Variants in EYS observed in about 807,000 individuals in gnomAD.
The protein encoded by EYS is protein eyes shut homolog.
A neutral mutation model predicts 282.1 loss-of-function variants in EYS; 250 were observed. That is an observed-to-expected ratio of 0.89 (90% CI 0.80 to 0.98). The LOEUF is 0.98. Ranked by LOEUF, EYS falls within the 50% of genes least tolerant of loss-of-function variation. The pLI, the probability that EYS is intolerant of heterozygous loss-of-function variation, is 0.00. For missense variants in EYS, 4,016 were observed against 3,709.0 expected, an observed-to-expected ratio of 1.08 and a Z score of -2.15; for synonymous variants, 1,355 against 1,282.9, an observed-to-expected ratio of 1.06 and a Z score of -1.20.
chr6:65,052,840 T>C lies in EYS; in HGVS notation c.2137+4774A>G, dbSNP rs1325343411. ...GAATTTGAAAGGGAGCCAGATTAAA[T>C]CAAAGCCAACCACTTACGCCAGTGG... is the stretch of plus-strand genomic sequence containing the variant. On this transcript the variant is annotated intron_variant, in intron 13 of 42. Coordinates refer to ENST00000503581, the MANE Select transcript of EYS (RefSeq NM_001142800.2). Among the ~76,000 whole-genome samples, 64 of 151,686 alleles carry C rather than the reference T, an allele frequency of 4.2e-4. 3 individuals are homozygous for C. Among genetic ancestry groups the C allele is most frequent in the Admixed American group, 4.2e-3 (63 of 15,178 alleles).
Position 64,417,899 on chromosome 6 carries a change from A to G in EYS, c.5927+18275T>C, listed in dbSNP as rs1418671139. Among the ~76,000 whole-genome samples the G allele has an allele frequency of 2.0e-5, 3 of 151,590 alleles. No individual in the cohort carries two copies. The East Asian group carries it at 5.8e-4, about 29-fold the overall frequency. On this transcript the variant is annotated intron_variant, in intron 28 of 42. Transcript: ENST00000503581. ...ATAGGCCAGGCTAGTCTTGAACTCC[A>G]GACCTCAAGGGATCCACCTGCATTG...
At chr6:65,228,083 A>G (rs1215676788) in intron 12 of EYS, among the ~76,000 whole-genome samples, 1 of 152,126 alleles carries the variant, frequency 6.6e-6, no homozygotes, top group Non-Finnish European at 1.5e-5. Context: ...GATGTTACAT[A>G]TATTTTAACA....
chr6:65,536,323 GA>G (rs1269848829), intron 2 of EYS, among the ~76,000 whole-genome samples: 1 of 137,010 alleles, frequency 7.3e-6, no homozygotes, highest in East Asian at 2.3e-4. Context: ...GAGTAGCAGA[GA>G]TTTTTTTTTT....
chr6:64,314,646 C>T (rs1241863065), intron 29 of EYS, among the ~76,000 whole-genome samples: 1 of 152,074 alleles, frequency 6.6e-6, no homozygotes, highest in African/African-American at 2.4e-5. Context: ...AACTGCACAA[C>T]TAAAGGAAAC....
At chr6:65,291,112 A>C (rs1305787408) in intron 12 of EYS, among the ~76,000 whole-genome samples, 1 of 151,640 alleles carries the variant, frequency 6.6e-6, no homozygotes, top group Non-Finnish European at 1.5e-5. Flanking sequence ...TTGTATCTTT[A>C]AATTATAAAG....
intron 11 of EYS, chr6:65,329,469 T>G: frequency 1.0e-6 from 1 of 965,902 alleles, no homozygotes; most frequent in Non-Finnish European, 1.2e-6. Flanking sequence ...TGTATGTAAG[T>G]GCCTTAGACA....
intron 36 of EYS, chr6:63,857,613 C>T (rs530717591): frequency 9.5e-6 from 4 of 422,822 alleles, no homozygotes; most frequent in East Asian, 7.0e-5. Flanking sequence ...ATGGGGTCCA[C>T]GTGTGCTCAG....
rs1474064907 is a variant in EYS at position 65,520,845 on chromosome 6, G to C, written c.-332-24852C>G. On this transcript the variant is annotated intron_variant, in intron 2 of 42. Coordinates refer to ENST00000503581, the MANE Select transcript of EYS (RefSeq NM_001142800.2). ...ACATAAATCATGGATTTTACAGAGTGAGAATTTCATTGGACGAAGGGTAGT... is the reference window on the plus strand; with the variant it reads ...ACATAAATCATGGATTTTACAGAGTCAGAATTTCATTGGACGAAGGGTAGT... 5.3e-5 allele frequency among the ~76,000 whole-genome samples: 8 copies of C among 152,128 alleles called. No individual in the cohort carries two copies. In the East Asian group the frequency reaches 7.7e-4, roughly 15 times the overall value.
intron 34 of EYS, among the ~76,000 whole-genome samples, chr6:63,985,352 A>G (rs9450490): frequency 0.37 from 55,565 of 151,422 alleles, 10,393 homozygotes; most frequent in African/African-American, 0.43. Flanking sequence ...TCATATGGAA[A>G]GAACCCTACA....
At chr6:64,202,194 T>G (rs1459859542) in intron 31 of EYS, among the ~76,000 whole-genome samples, 1 of 152,214 alleles carries the variant, frequency 6.6e-6, no homozygotes, top group South Asian at 2.1e-4. Flanking sequence ...CTCCATGTGC[T>G]TTCCTTTGTT....
At chr6:64,010,216 A>T (rs1446544713) in intron 33 of EYS, among the ~76,000 whole-genome samples, 1 of 152,208 alleles carries the variant, frequency 6.6e-6, no homozygotes, top group African/African-American at 2.4e-5. Flanking sequence ...CAGCAGCAGG[A>T]TCTGTGCTCA....
chr6:64,187,463 G>C (rs1764981366), intron 31 of EYS, among the ~76,000 whole-genome samples: 1 of 151,804 alleles, frequency 6.6e-6, no homozygotes, highest in African/African-American at 2.4e-5. Context: ...GAAAACATTT[G>C]AAATACAAAC....
chr6:65,682,363 C>T (rs1475653754), intron 1 of EYS, among the ~76,000 whole-genome samples: 1 of 151,904 alleles, frequency 6.6e-6, no homozygotes, highest in Non-Finnish European at 1.5e-5. Context: ...GGAGACAAAT[C>T]TTGTCTCTGA....
intron 22 of EYS, among the ~76,000 whole-genome samples, chr6:64,655,194 A>G (rs1312805802): frequency 6.6e-6 from 1 of 152,192 alleles, no homozygotes; most frequent in Non-Finnish European, 1.5e-5. Context: ...GACCTGCCAG[A>G]AATTTTTTGA....
intron 33 of EYS, among the ~76,000 whole-genome samples, chr6:64,031,454 GC>G (rs1341941865): frequency 1.3e-5 from 2 of 152,146 alleles, no homozygotes; most frequent in Non-Finnish European, 2.9e-5. Flanking sequence ...GATCAGGATC[GC>G]CCCCTGCTTC....
intron 37 of EYS, among the ~76,000 whole-genome samples, chr6:63,805,630 G>A (rs1770885665): frequency 6.6e-6 from 1 of 152,122 alleles, no homozygotes; most frequent in Admixed American, 6.6e-5. Flanking sequence ...GTGTTCCCAC[G>A]CAAACCTCAT....
chr6:65,301,338 A>G (rs971060811), intron 11 of EYS, among the ~76,000 whole-genome samples: 1 of 152,224 alleles, frequency 6.6e-6, no homozygotes, highest in Non-Finnish European at 1.5e-5. Flanking sequence ...TACCAAAGAT[A>G]TAAGAAATTA....
At chr6:64,723,463 A>G (rs1189143735) in intron 22 of EYS, among the ~76,000 whole-genome samples, 1 of 152,186 alleles carries the variant, frequency 6.6e-6, no homozygotes, top group Non-Finnish European at 1.5e-5. Flanking sequence ...TGTGAAAATT[A>G]TACTACATCA....
At chr6:65,522,371 C>A (rs1311399808) in intron 2 of EYS, among the ~76,000 whole-genome samples, 1 of 152,130 alleles carries the variant, frequency 6.6e-6, no homozygotes, top group South Asian at 2.1e-4. Context: ...GAGGCTGAGG[C>A]CAGAGGATCG....
Sources: gnomAD v4.1 joint callset for allele counts (sites outside exome capture counted in the v4.1 genomes callset) on GRCh38, gnomAD v4.1.1 for gene constraint, MANE v1.5 for transcripts, NCBI Gene and HGNC (gene_info 2026-07-23, HGNC 2026-07-21) for gene names.